Variants in ARHGEF9 observed in about 807,000 individuals in gnomAD.
The protein encoded by ARHGEF9 is Cdc42 guanine nucleotide exchange factor 9.
In ARHGEF9, 2 loss-of-function variants were observed where a neutral mutation model predicts 41.3. That is an observed-to-expected ratio of 0.05 (90% confidence interval 0.02 to 0.15). ARHGEF9 has a LOEUF of 0.15. ARHGEF9 is among the 10% of genes least tolerant of loss of function. The pLI, the probability that ARHGEF9 is intolerant of heterozygous loss-of-function variation, is 1.00. For missense variants in ARHGEF9, 225 were observed against 424.7 expected, an observed-to-expected ratio of 0.53 and a Z score of 4.13; for synonymous variants, 160 against 154.4, an observed-to-expected ratio of 1.04 and a Z score of -0.27.
At chrX:63,754,213 T>A in intron 1 of ARHGEF9, 1 of 996,673 alleles carries the variant, frequency 1.0e-6, no homozygotes, top group Non-Finnish European at 1.4e-6. Flanking sequence ...CATTTCTTCA[T>A]CAACAATTTC....
At chrX:63,691,869 T>C (rs1215865776) in intron 4 of ARHGEF9, among the ~76,000 whole-genome samples, 2 of 111,043 alleles carry the variant, frequency 1.8e-5, no homozygotes, top group Admixed American at 9.6e-5. Flanking sequence ...CATAGACCAA[T>C]TGAACAGAAT....
At chrX:63,681,345 C>T (rs184599512) in intron 4 of ARHGEF9, among the ~76,000 whole-genome samples, 42 of 112,031 alleles carry the variant, frequency 3.7e-4, no homozygotes, top group African/African-American at 1.3e-3. Flanking sequence ...AGACCACATG[C>T]TATACCACAA....
chrX:63,647,215 C>T (rs2048166872), intron 8 of ARHGEF9, among the ~76,000 whole-genome samples: 2 of 111,027 alleles, frequency 1.8e-5, no homozygotes, highest in South Asian at 3.8e-4. Flanking sequence ...AATTGAATAC[C>T]CTTTATTTCC....
chrX:63,660,807 T>C (rs1265071910), intron 7 of ARHGEF9, among the ~76,000 whole-genome samples: 1 of 112,307 alleles, frequency 8.9e-6, no homozygotes, highest in Non-Finnish European at 1.9e-5. Context: ...ACAACTTCCC[T>C]TCCTTGTAGA....
At chrX:63,650,956 G>T (rs2048507095) in intron 8 of ARHGEF9, among the ~76,000 whole-genome samples, 1 of 109,501 alleles carries the variant, frequency 9.1e-6, no homozygotes, top group Non-Finnish European at 1.9e-5. Context: ...TAAAAATCCA[G>T]AGGAAATGAA....
intron 9 of ARHGEF9, chrX:63,638,486 T>C (rs1309824940): frequency 2.5e-6 from 1 of 403,066 alleles, no homozygotes; most frequent in East Asian, 3.8e-5. Context: ...AACACTGATA[T>C]CTGAAAAGAA....
intron 7 of ARHGEF9, 135 bp downstream of exon 7, chrX:63,665,751 T>C (rs1221177063): frequency 2.0e-5 from 17 of 830,977 alleles, no homozygotes; most frequent in Non-Finnish European, 2.9e-5. Flanking sequence ...TGATACAGAA[T>C]TGCTGCCAAT....
intron 1 of ARHGEF9, among the ~76,000 whole-genome samples, chrX:63,758,385 C>T (rs1556448280): frequency 8.9e-6 from 1 of 112,298 alleles, no homozygotes; most frequent in African/African-American, 3.2e-5. Context: ...ATTAAAACTC[C>T]TTCTGCTGAA....
chrX:63,647,627 G>T (rs1293786266), intron 8 of ARHGEF9, among the ~76,000 whole-genome samples: 1 of 111,477 alleles, frequency 9.0e-6, no homozygotes, highest in East Asian at 2.8e-4. Context: ...GCTGGATTCG[G>T]TTTGCCAGTA....
intron 1 of ARHGEF9, among the ~76,000 whole-genome samples, chrX:63,773,287 A>T (rs2056234552): frequency 8.9e-6 from 1 of 112,284 alleles, no homozygotes; most frequent in African/African-American, 3.2e-5. Context: ...CTAGCACAGA[A>T]TCCAGGAAGC....
At chrX:63,671,314 C>T (rs1444752379) in intron 6 of ARHGEF9, 1 of 111,953 alleles carries the variant, frequency 8.9e-6, no homozygotes, top group Non-Finnish European at 1.9e-5. Context: ...TGAAATTGGG[C>T]CACCAATCCT....
chrX:63,635,251 C>G lies in ARHGEF9; in HGVS notation c.*2777G>C. 1 of 363,032 alleles carries G rather than the reference C, an allele frequency of 2.8e-6. No homozygotes were observed. The highest frequency in any genetic ancestry group is 5.2e-6 in the Non-Finnish European group (1 of 193,243). 29.9% of individuals were successfully genotyped at this position (363,032 alleles called of 1,213,427 possible). On this transcript the variant is annotated 3_prime_UTR_variant, in exon 10 of 10. Coordinates refer to ENST00000671741, the MANE Select transcript of ARHGEF9 (RefSeq NM_001353921.2). ...TTGTTAGAACTCTCTTGTTGCTGTT[C>G]TTATAGATCCATTAGAAATATACAC...
At chrX:63,775,175 A>G (rs1451536694) in intron 1 of ARHGEF9, among the ~76,000 whole-genome samples, 1 of 112,608 alleles carries the variant, frequency 8.9e-6, no homozygotes, top group Non-Finnish European at 1.9e-5. Flanking sequence ...TCAAAAAATA[A>G]CAAATGGCTG....
intron 1 of ARHGEF9, chrX:63,755,191 C>T: frequency 2.1e-6 from 2 of 938,812 alleles, no homozygotes; most frequent in Non-Finnish European, 2.6e-6. Context: ...GAGGCGCGGC[C>T]AGAGCCACTG....
chrX:63,643,501 G>T (rs1556308717), intron 9 of ARHGEF9, among the ~76,000 whole-genome samples: 1 of 110,008 alleles, frequency 9.1e-6, no homozygotes, highest in East Asian at 2.8e-4. Context: ...TGGGACTACA[G>T]GCACTCAGCT....
Position 63,637,146 on chromosome X carries a change from G to C in ARHGEF9, c.*882C>G, listed in dbSNP as rs1370160603. 1.0e-5 allele frequency: 3 copies of C among 295,659 alleles called. No individual in the cohort carries two copies. Among genetic ancestry groups the C allele is most frequent in the African/African-American group, 2.8e-5 (1 of 36,330 alleles). 24.4% of individuals were successfully genotyped at this position (295,659 alleles called of 1,213,427 possible). A position where few individuals can be genotyped will look rare whatever the true frequency, so the allele number is the denominator to read the frequency against. On this transcript the variant is annotated 3_prime_UTR_variant, in exon 10 of 10. Coordinates refer to ENST00000671741, the MANE Select transcript of ARHGEF9 (RefSeq NM_001353921.2). ...AATAACTCGATCAAACTAACTCCTA[G>C]ATGCAAAATTGCAACGACCCAGAAG...
intron 8 of ARHGEF9, among the ~76,000 whole-genome samples, chrX:63,650,679 C>T (rs1240839435): frequency 1.8e-5 from 2 of 110,515 alleles, no homozygotes; most frequent in Non-Finnish European, 3.8e-5. Context: ...AAAAGATGAG[C>T]ATTTGAGGTG....
intron 1 of ARHGEF9, among the ~76,000 whole-genome samples, chrX:63,736,046 T>C (rs1203799618): frequency 8.9e-6 from 1 of 111,940 alleles, no homozygotes; most frequent in Non-Finnish European, 1.9e-5. Context: ...GATGAGGAAG[T>C]GGCAGAGGGA....
chrX:63,765,874 G>A (rs1448867785), intron 1 of ARHGEF9, among the ~76,000 whole-genome samples: 7 of 111,477 alleles, frequency 6.3e-5, no homozygotes, highest in Non-Finnish European at 1.1e-4. Context: ...AAAAATTATC[G>A]CCCAAGAATA....
Sources: allele counts gnomAD v4.1 joint callset (sites outside exome capture counted in the v4.1 genomes callset), GRCh38; gene constraint gnomAD v4.1.1; transcripts MANE v1.5; gene names NCBI Gene and HGNC (gene_info 2026-07-23, HGNC 2026-07-21).